Variants in SPAG11B observed in about 807,000 individuals in gnomAD.
SPAG11B encodes sperm associated antigen 11B.
Under a neutral mutation model 8.9 loss-of-function variants are expected in SPAG11B, and 5 were observed. The observed-to-expected ratio is 0.56, with a 90% CI of 0.29 to 1.19. The LOEUF is 1.19. Ranked by LOEUF, SPAG11B falls within the 50% of genes most tolerant of loss-of-function variation. The pLI, the probability that SPAG11B is intolerant of heterozygous loss-of-function variation, is 0.08. For synonymous variants in SPAG11B, 12 were observed against 53.0 expected (o/e 0.23, Z 3.36); for missense variants, 38 against 146.4 (o/e 0.26, Z 3.82).
intron 2 of SPAG11B, among the ~76,000 whole-genome samples, chr8:7,458,925 G>A (rs1336176460): frequency 7.5e-5 from 4 of 53,342 alleles, no homozygotes; most frequent in East Asian, 7.4e-4. Context: ...CTGGCCGGGC[G>A]CGGTGGCTCA....
At chr8:7,453,827 C>A (rs1370406382) in intron 2 of SPAG11B, among the ~76,000 whole-genome samples, 34 of 148,986 alleles carry the variant, frequency 2.3e-4, no homozygotes, top group African/African-American at 8.4e-4. Context: ...GACTCACAGA[C>A]CTTTCTGTAC....
chr8:7,450,386 A>G (rs1330669490), downstream of SPAG11B, among the ~76,000 whole-genome samples: 1 of 145,040 alleles, frequency 6.9e-6, no homozygotes, highest in South Asian at 2.1e-4. Flanking sequence ...AGATGTCATC[A>G]GAAGGAAAAC....
At chr8:7,453,629 C>T (rs551445152) in intron 2 of SPAG11B, among the ~76,000 whole-genome samples, 4 of 150,382 alleles carry the variant, frequency 2.7e-5, no homozygotes, top group African/African-American at 1.0e-4. Context: ...CAGTCTACAA[C>T]AACCATATCT....
chr8:7,450,846 C>T lies in SPAG11B; in HGVS notation c.269G>A (p.Cys90Tyr). ...NTICHMQQGI[C>Y]RLFFCHSGEK... ...ACCAGAATGGCAGAAAAAAAGTCTG[C>T]AGATCCCTTGCTGCATATGGCAGAT... The change falls in exon 3 of 3, where the codon TGC (cysteine) becomes TAC (tyrosine). Residue 90 changes from cysteine to tyrosine, a missense_variant. By Grantham distance (194) the Cys-to-Tyr change is radical. Around this residue, in one of 3 missense-constraint regions of SPAG11B, gnomAD observed 29 missense variants for 28.0 expected, o/e 1.03. Coordinates refer to ENST00000398462, the MANE Select transcript of SPAG11B (RefSeq NM_058201.4). 1 of 1,598,926 alleles carries T rather than the reference C, an allele frequency of 6.3e-7. No individual in the cohort carries two copies. Among genetic ancestry groups the T allele is most frequent in the Non-Finnish European group, 8.5e-7 (1 of 1,173,018 alleles).
In SPAG11B at chr8:7,450,888, G is replaced by C. The variant is rs2256100; in HGVS notation, c.227C>G (p.Pro76Arg). ...ATGGCAGATGGTATTTCTAATTCCC[G>C]GTGGAACATCCCCTATGGATACAAC... is the stretch of plus-strand genomic sequence containing the variant. Reference protein sequence around the residue: ...RTPPYQGDVPPGIRNTICHMQ... With the variant: ...RTPPYQGDVPRGIRNTICHMQ... The change falls in exon 3 of 3, where the codon CCG becomes CGG. Residue 76 changes from proline to arginine, a missense_variant. Physicochemically the swap from Pro to Arg is moderately radical, Grantham distance 103 (BLOSUM62 -2). Coordinates refer to ENST00000398462, the MANE Select transcript of SPAG11B (RefSeq NM_058201.4). 34 of 1,552,092 alleles carry C rather than the reference G, an allele frequency of 2.2e-5. 1 individual carries two copies. The highest frequency in any genetic ancestry group is 1.8e-6 in the Non-Finnish European group (2 of 1,140,296).
Position 7,450,800 on chromosome 8 carries a change from G to A in SPAG11B, c.315C>T (p.Cys105=), listed in dbSNP as rs1173013931. 1.9e-6 allele frequency: 3 copies of A among 1,609,994 alleles called. No homozygotes were observed. In the South Asian group the frequency reaches 3.3e-5, roughly 18 times the overall value. ...CHSGEKKRDI[C]SDPWNRCCVS... is the part of the protein sequence containing the mutation. ...CGCAACACCTATTCCAGGGATCAGA[G>A]CAAATGTCACGCTTTTTCTCACCAG... The change falls in exon 3 of 3, where the codon TGC becomes TGT. Residue 105 remains cysteine (C), a synonymous_variant. Transcript: ENST00000398462.
At chr8:7,452,464 TGAGTAAG>T in intron 2 of SPAG11B, 1 of 12,550 alleles carries the variant, frequency 8.0e-5, no homozygotes, top group East Asian at 2.4e-3. Context: ...TCTGCTCTAC[TGAGTAAG>T]GCTGTGGGCA....
At position 7,453,354 on chromosome 8, in the gene SPAG11B, A is replaced by C. The variant is rs558525593; in HGVS notation, c.215-2454T>G. Among the ~76,000 whole-genome samples, 33 of 149,126 alleles carry C rather than the reference A, an allele frequency of 2.2e-4. 2 individuals are homozygous for C. Among genetic ancestry groups the C allele is most frequent in the African/African-American group, 8.1e-4 (32 of 39,300 alleles). ...TATTTCCCTTAAAATTCTCTTAAGC[A>C]AAAGGGGCAAGTGAGAAGGATGTCT... On this transcript the variant is annotated intron_variant, in intron 2 of 2. Coordinates refer to ENST00000398462, the MANE Select transcript of SPAG11B (RefSeq NM_058201.4).
chr8:7,449,850 G>A (rs1810015476), downstream of SPAG11B, among the ~76,000 whole-genome samples: 1 of 139,632 alleles, frequency 7.2e-6, no homozygotes, highest in Non-Finnish European at 1.5e-5. Flanking sequence ...CTTGGCATGT[G>A]GTCTCTATCT....
intron 2 of SPAG11B, among the ~76,000 whole-genome samples, chr8:7,453,397 G>A (rs575734122): frequency 1.8e-4 from 27 of 149,118 alleles, no homozygotes; most frequent in African/African-American, 6.6e-4. Flanking sequence ...TATCCCCCTG[G>A]GCTTCATAAC....
Position 7,450,810 on chromosome 8 carries a change from C to G in SPAG11B, c.305G>C (p.Arg102Pro), listed in dbSNP as rs375282053. 1 of 1,607,136 alleles carries G rather than the reference C, an allele frequency of 6.2e-7. No individual in the cohort carries two copies. The highest frequency in any genetic ancestry group is 1.4e-5 in the African/African-American group (1 of 72,834). Reference protein sequence around the residue: ...LFFCHSGEKKRDICSDPWNRC... With the variant: ...LFFCHSGEKKPDICSDPWNRC... ...ATTCCAGGGATCAGAGCAAATGTCACGCTTTTTCTCACCAGAATGGCAGAA... is the reference window on the plus strand; with the variant it reads ...ATTCCAGGGATCAGAGCAAATGTCAGGCTTTTTCTCACCAGAATGGCAGAA... Residue 102 changes from arginine (R) to proline (P), a missense_variant, in exon 3 of 3, where the codon CGT becomes CCT. Arg to Pro is a moderately radical substitution (Grantham distance 103). This residue lies in a region of SPAG11B where 9 missense variants were observed against 48.6 expected (regional missense o/e 0.19). Coordinates refer to ENST00000398462, the MANE Select transcript of SPAG11B (RefSeq NM_058201.4).
intron 2 of SPAG11B, among the ~76,000 whole-genome samples, chr8:7,454,354 C>A (rs1339058930): frequency 4.4e-4 from 45 of 102,364 alleles, no homozygotes; most frequent in African/African-American, 2.1e-3. Flanking sequence ...ATATTTTATA[C>A]TTTACATTCA....
downstream of SPAG11B, among the ~76,000 whole-genome samples, chr8:7,450,389 A>T (rs2737558): frequency 0.028 from 3,294 of 119,614 alleles, 160 homozygotes; most frequent in African/African-American, 0.061. Flanking sequence ...TGTCATCAGA[A>T]GGAAAACAGA....
At chr8:7,451,278 G>C in intron 2 of SPAG11B, 1 of 1,041,010 alleles carries the variant, frequency 9.6e-7, no homozygotes, top group South Asian at 1.5e-5. Context: ...GGAAATTAAA[G>C]GTATTAACCC....
At chr8:7,451,156 G>T in intron 2 of SPAG11B, 1 of 1,560,196 alleles carries the variant, frequency 6.4e-7, no homozygotes, top group Non-Finnish European at 8.7e-7. Flanking sequence ...AGTCCACACA[G>T]ATCCTAAATG....
rs149937679 is a variant in SPAG11B at position 7,451,179 on chromosome 8, C to G, written c.215-279G>C. 1,203 of 1,558,588 alleles carry G rather than the reference C, an allele frequency of 7.7e-4. 143 individuals carry two copies. In the African/African-American group the frequency reaches 0.016, roughly 21 times the overall value. On this transcript the variant is annotated intron_variant, in intron 2 of 2. Coordinates refer to ENST00000398462, the MANE Select transcript of SPAG11B (RefSeq NM_058201.4). ...CAGATCCTAAATGAGGGTCCTCGAG[C>G]CTCCCGGTGAGAGATGTGCACTAGA... is the stretch of plus-strand genomic sequence containing the variant.
At chr8:7,452,037 G>A (rs1440859488) in intron 2 of SPAG11B, among the ~76,000 whole-genome samples, 1 of 127,868 alleles carries the variant, frequency 7.8e-6, no homozygotes, top group East Asian at 2.4e-4. Flanking sequence ...ACTTGTATCA[G>A]AGCAAGCATA....
chr8:7,448,730 G>C (rs1437499253), downstream of SPAG11B, among the ~76,000 whole-genome samples: 2 of 140,002 alleles, frequency 1.4e-5, no homozygotes, highest in East Asian at 4.1e-4. Flanking sequence ...GCTCACCACT[G>C]AGGACTCCAG....
Position 7,452,945 on chromosome 8 carries a change from C to T in SPAG11B, c.215-2045G>A, listed in dbSNP as rs1231829709. Among the ~76,000 whole-genome samples the T allele has an allele frequency of 1.4e-4, 20 of 146,168 alleles. No homozygotes were observed. The Middle Eastern group carries it at 0.011, about 83-fold the overall frequency. ...ACAACGTGGATGAACCTCACAAACG[C>T]TATGCTGAAAGAAAAAAAAAAACAG... On this transcript the variant is annotated intron_variant, in intron 2 of 2. Coordinates refer to ENST00000398462, the MANE Select transcript of SPAG11B (RefSeq NM_058201.4).
Sources: gnomAD v4.1 joint callset for allele counts (sites outside exome capture counted in the v4.1 genomes callset) on GRCh38, gnomAD v4.1.1 for gene constraint, gnomAD v4.1.1 regional missense constraint, MANE v1.5 for transcripts, NCBI Gene and HGNC (gene_info 2026-07-23, HGNC 2026-07-21) for gene names.